DNAAF5: variants seen among roughly 807,000 people sequenced by gnomAD.
The protein encoded by DNAAF5 is dynein axonemal assembly factor 5.
In DNAAF5, 64 loss-of-function variants were observed where a neutral mutation model predicts 75.8. The ratio of observed to expected loss-of-function variants is 0.84; its 90% CI spans 0.69 to 1.04. DNAAF5 has a LOEUF of 1.04. Ranked by LOEUF, DNAAF5 falls within the 50% of genes least tolerant of loss-of-function variation. The probability of loss-of-function intolerance (pLI) is 0.00; values close to 1 mark genes in which losing one functional copy is unlikely to be tolerated. For missense variants in DNAAF5, 1,269 were observed against 1,178.5 expected, an observed-to-expected ratio of 1.08 and a Z score of -1.12; for synonymous variants, 657 against 557.2, an observed-to-expected ratio of 1.18 and a Z score of -2.52.
At chr7:769,291 C>G (rs1778471616) in intron 8 of DNAAF5, 2 of 692,900 alleles carry the variant, frequency 2.9e-6, no homozygotes, top group African/African-American at 1.8e-5. Context: ...GGCCCCAACC[C>G]AGTCCCCACC....
rs746849639 is a variant in DNAAF5 at position 726,928 on chromosome 7, C to T, written c.208C>T (p.Gln70Ter). Residue 70 changes from glutamine (Q) to a stop codon, truncating the protein, a stop_gained, in exon 1 of 13, where the codon CAG becomes TAG. Coordinates refer to ENST00000297440, the MANE Select transcript of DNAAF5 (RefSeq NM_017802.4). LOFTEE classifies it high-confidence loss of function. ...CCCTGCCGCCGACCCCACCGCTTTC[C>T]AGGGCCCCTGGGCGCGCCTACTGCT... ...PGPAADPTAFQGPWARLLLPR... is the reference protein window; with the variant it reads ...PGPAADPTAF 1 of 1,348,714 alleles carries T rather than the reference C, an allele frequency of 7.4e-7. No individual in the cohort carries two copies. Among genetic ancestry groups the T allele is most frequent in the South Asian group, 1.6e-5 (1 of 60,728 alleles). The allele number at this position is 1,348,714 out of a possible 1,614,324, so 83.5% of individuals were successfully genotyped here.
At chr7:731,877 C>G (rs1781596943) in intron 2 of DNAAF5, among the ~76,000 whole-genome samples, 1 of 152,100 alleles carries the variant, frequency 6.6e-6, no homozygotes, top group Non-Finnish European at 1.5e-5. Flanking sequence ...AGCCCTGCGA[C>G]CCCGTCCTGG....
chr7:732,188 G>A (rs777249999), intron 2 of DNAAF5, among the ~76,000 whole-genome samples: 24 of 152,374 alleles, frequency 1.6e-4, no homozygotes, highest in Admixed American at 7.2e-4. Context: ...CTTAGGCCCC[G>A]GGATGGTGTC....
intron 6 of DNAAF5, among the ~76,000 whole-genome samples, chr7:757,313 C>CGG (rs10560302): frequency 1.3e-5 from 2 of 152,100 alleles, no homozygotes; most frequent in Admixed American, 1.3e-4. Flanking sequence ...CTTGGCCACA[C>CGG]ACCACAGTTC....
At position 756,901 on chromosome 7, in the gene DNAAF5, C is replaced by A; in HGVS notation, c.1377C>A (p.Ala459=). The change falls in exon 6 of 13, where the codon GCC becomes GCA. Residue 459 remains alanine (A), a synonymous_variant. Coordinates refer to ENST00000297440, the MANE Select transcript of DNAAF5 (RefSeq NM_017802.4). ...CCGGCCTCCTGGTGCTGGCCTCCGC[C>A]ATGCGGGGTTGCCCCCGAGAAGCCC... ...SASGLLVLAS[A]MRGCPREALQ... 6.2e-7 allele frequency: 1 copy of A among 1,612,628 alleles called. No individual in the cohort carries two copies. Among genetic ancestry groups the A allele is most frequent in the South Asian group, 1.1e-5 (1 of 91,082 alleles).
intron 4 of DNAAF5, among the ~76,000 whole-genome samples, chr7:750,378 G>A (rs912807493): frequency 2.0e-5 from 3 of 152,280 alleles, no homozygotes; most frequent in African/African-American, 7.2e-5. Context: ...ACCCCCCACC[G>A]TTCAGCAACG....
intron 6 of DNAAF5, among the ~76,000 whole-genome samples, chr7:760,874 T>A (rs1420781125): frequency 6.6e-6 from 1 of 152,148 alleles, no homozygotes; most frequent in East Asian, 1.9e-4. Flanking sequence ...GCCATAGAAT[T>A]TTATTTGTCT....
rs1031852692 is a variant in DNAAF5 at position 727,105 on chromosome 7, G to C, written c.385G>C (p.Val129Leu). 1,557 of 1,093,628 alleles carry C rather than the reference G, an allele frequency of 1.4e-3. No homozygotes were observed. Among genetic ancestry groups the C allele is most frequent in the Non-Finnish European group, 1.7e-3 (1,495 of 902,810 alleles). The allele number at this position is 1,093,628 out of a possible 1,614,324, so 67.7% of individuals were successfully genotyped here. ...PALAARLAGP[V>L]PARRPPEACE... ...GCTCGCCGCGCGCTTGGCCGGCCCCGTGCCCGCGCGCCGCCCGCCCGAGGC... is the reference window on the plus strand; with the variant it reads ...GCTCGCCGCGCGCTTGGCCGGCCCCCTGCCCGCGCGCCGCCCGCCCGAGGC... Residue 129 changes from valine to leucine, a missense_variant, in exon 1 of 13, where the codon GTG (valine) becomes CTG (leucine). Coordinates refer to ENST00000297440, the MANE Select transcript of DNAAF5 (RefSeq NM_017802.4).
intron 5 of DNAAF5, 73 bp from the exon 6 acceptor site, chr7:756,709 C>G (rs1782495767): frequency 5.6e-6 from 8 of 1,425,344 alleles, no homozygotes; most frequent in South Asian, 1.2e-5. Flanking sequence ...TGGGAGGCCA[C>G]GGCGCCGAGA....
chr7:774,370 C>T (rs1405580076), intron 10 of DNAAF5, among the ~76,000 whole-genome samples, 172 bp downstream of exon 10: 2 of 152,226 alleles, frequency 1.3e-5, no homozygotes, highest in Non-Finnish European at 2.9e-5. Context: ...CAGGAGCCGG[C>T]GGCCGGGCTG....
At chr7:744,890 A>G (rs1334749210) in intron 4 of DNAAF5, among the ~76,000 whole-genome samples, 1 of 152,196 alleles carries the variant, frequency 6.6e-6, no homozygotes, top group East Asian at 1.9e-4. Flanking sequence ...GAGGTGAGCC[A>G]CCACGCCTGG....
chr7:765,597 G>A (rs1469151824), intron 8 of DNAAF5, among the ~76,000 whole-genome samples: 2 of 152,182 alleles, frequency 1.3e-5, no homozygotes, highest in East Asian at 3.8e-4. Flanking sequence ...TGGCAGCTTG[G>A]AACACACATC....
rs1414494377 is a variant in DNAAF5, at chr7:768,817, T to G, written c.1784-1654T>G. 3.9e-5 allele frequency: 11 copies of G among 280,916 alleles called. No individual in the cohort carries two copies. In the East Asian group the frequency reaches 6.4e-4, roughly 16 times the overall value. 17.4% of individuals were successfully genotyped at this position (280,916 alleles called of 1,614,324 possible). A position where few individuals can be genotyped will look rare whatever the true frequency, so the allele number is the denominator to read the frequency against. On this transcript the variant is annotated intron_variant, in intron 8 of 12. Transcript: ENST00000297440. ...ACTTGACCTGTGGACATTTGGCTGT[T>G]TTCTTTTTGTTTTTAAGCCAGAAAC...
chr7:769,064 G>A (rs1778459595), intron 8 of DNAAF5: 23 of 685,692 alleles, frequency 3.4e-5, no homozygotes, highest in South Asian at 2.3e-4. Context: ...GCCTGACTTC[G>A]AGCCAGAGCA....
chr7:752,013 G>A (rs1361624040), intron 4 of DNAAF5, among the ~76,000 whole-genome samples: 1 of 152,228 alleles, frequency 6.6e-6, no homozygotes, highest in Admixed American at 6.5e-5. Flanking sequence ...AAGCTGAATG[G>A]CAGCAGGTCC....
intron 12 of DNAAF5, among the ~76,000 whole-genome samples, chr7:783,616 C>G (rs900375212): frequency 3.3e-5 from 5 of 152,226 alleles, no homozygotes; most frequent in African/African-American, 1.2e-4. Context: ...CGGAAAGAAG[C>G]TGCGAATTGG....
intron 8 of DNAAF5, chr7:768,867 G>A (rs1778451446): frequency 4.4e-6 from 2 of 452,444 alleles, no homozygotes; most frequent in Non-Finnish European, 8.0e-6. Context: ...AGTTTAAGAT[G>A]TAGAGAGGGT....
chr7:777,859 C>A (rs1159516099), intron 11 of DNAAF5, among the ~76,000 whole-genome samples: 2 of 152,028 alleles, frequency 1.3e-5, no homozygotes, highest in Non-Finnish European at 2.9e-5. Context: ...GCGAAGGACA[C>A]GGGACGGGGA....
At chr7:753,352 C>T (rs1434097466) in intron 4 of DNAAF5, among the ~76,000 whole-genome samples, 3 of 152,144 alleles carry the variant, frequency 2.0e-5, no homozygotes, top group Admixed American at 6.5e-5. Context: ...GTGAAAGAAG[C>T]GGAGAAGGGA....
Sources: gnomAD v4.1 joint callset for allele counts (sites outside exome capture counted in the v4.1 genomes callset) on GRCh38, gnomAD v4.1.1 for gene constraint, MANE v1.5 for transcripts, NCBI Gene and HGNC (gene_info 2026-07-23, HGNC 2026-07-21) for gene names.